Variants in ABHD17B observed in about 807,000 individuals in gnomAD.
ABHD17B encodes abhydrolase domain containing 17B, depalmitoylase.
Under a neutral mutation model 26.2 loss-of-function variants are expected in ABHD17B, and 9 were observed. The observed-to-expected ratio is 0.34, with a 90% CI of 0.21 to 0.60. The LOEUF (loss-of-function observed/expected upper bound fraction) is 0.60. ABHD17B is among the 20% of genes least tolerant of loss of function. The probability of loss-of-function intolerance (pLI) is 0.80; values close to 1 mark genes in which losing one functional copy is unlikely to be tolerated. For synonymous variants in ABHD17B, 127 were observed against 122.3 expected, an observed-to-expected ratio of 1.04 and a Z score of -0.25; for missense variants, 224 against 352.1, an observed-to-expected ratio of 0.64 and a Z score of 2.91.
At chr9:71,904,110 A>G (rs952840531) in intron 1 of ABHD17B, among the ~76,000 whole-genome samples, 6 of 152,060 alleles carry the variant, frequency 3.9e-5, no homozygotes, top group African/African-American at 1.2e-4. Context: ...TCCCTATTTA[A>G]CAGGTTCAAC....
At chr9:71,899,929 A>G (rs1827083082) in intron 1 of ABHD17B, among the ~76,000 whole-genome samples, 1 of 152,168 alleles carries the variant, frequency 6.6e-6, no homozygotes. Flanking sequence ...TCTAAATGAC[A>G]TTTCTAAAAG....
At chr9:71,889,841 A>C (rs1372841728) in intron 1 of ABHD17B, among the ~76,000 whole-genome samples, 2 of 152,152 alleles carry the variant, frequency 1.3e-5, no homozygotes, top group Non-Finnish European at 2.9e-5. Context: ...ATCCCAACCC[A>C]AACCTCAGCC....
chr9:71,876,913 A>G (rs1350879173), intron 1 of ABHD17B, among the ~76,000 whole-genome samples: 1 of 152,176 alleles, frequency 6.6e-6, no homozygotes, highest in Non-Finnish European at 1.5e-5. Context: ...ATTGCTTCCT[A>G]CCTTTATTTC....
At chr9:71,902,927 T>A (rs756392383) in intron 1 of ABHD17B, among the ~76,000 whole-genome samples, 5 of 152,202 alleles carry the variant, frequency 3.3e-5, no homozygotes, top group Non-Finnish European at 7.3e-5. Flanking sequence ...GTCTTTTTTG[T>A]TCCTGGAGGC....
chr9:71,892,323 G>A (rs1445375261), intron 1 of ABHD17B, among the ~76,000 whole-genome samples: 1 of 152,006 alleles, frequency 6.6e-6, no homozygotes, highest in Non-Finnish European at 1.5e-5. Context: ...ACGAGGTCAG[G>A]AGATCGAGAC....
At chr9:71,887,973 C>T (rs370068994) in intron 1 of ABHD17B, among the ~76,000 whole-genome samples, 4 of 152,298 alleles carry the variant, frequency 2.6e-5, no homozygotes, top group Middle Eastern at 3.4e-3. Context: ...TTTGATGAAT[C>T]AAAAGGATTC....
intron 1 of ABHD17B, among the ~76,000 whole-genome samples, chr9:71,879,100 G>A (rs117276069): frequency 0.015 from 2,237 of 152,300 alleles, 38 homozygotes; most frequent in Non-Finnish European, 0.023. Context: ...AGGCTACAGC[G>A]AGCTGTGATA....
intron 1 of ABHD17B, among the ~76,000 whole-genome samples, chr9:71,885,144 T>G (rs1034715496): frequency 2.6e-5 from 4 of 151,718 alleles, no homozygotes; most frequent in Non-Finnish European, 4.4e-5. Context: ...TTGCAATAAA[T>G]ACACAAAATG....
At chr9:71,895,976 C>T (rs1385195647) in intron 1 of ABHD17B, among the ~76,000 whole-genome samples, 1 of 152,200 alleles carries the variant, frequency 6.6e-6, no homozygotes, top group African/African-American at 2.4e-5. Flanking sequence ...TTTCTCAAAA[C>T]TCTGGAGGTT....
rs1825950201 is a variant in ABHD17B, at chr9:71,866,103, A to G, written c.*684T>C. 10 of 985,478 alleles carry G rather than the reference A, an allele frequency of 1.0e-5. No homozygotes were observed. The highest frequency in any genetic ancestry group is 1.2e-5 in the Non-Finnish European group (10 of 829,686). 61.0% of individuals were successfully genotyped at this position (985,478 alleles called of 1,614,324 possible). On this transcript the variant is annotated 3_prime_UTR_variant, in exon 4 of 4. Transcript: ENST00000333421. Reference sequence around the variant, plus strand: ...CTTGCCTCACAGTACCAAACTTAGAAGTCAAAACTAGTTAAAATTCAGTGC... The same window carrying G: ...CTTGCCTCACAGTACCAAACTTAGAGGTCAAAACTAGTTAAAATTCAGTGC...
At chr9:71,882,474 C>T (rs1288707456) in intron 1 of ABHD17B, among the ~76,000 whole-genome samples, 1 of 152,072 alleles carries the variant, frequency 6.6e-6, no homozygotes, top group Non-Finnish European at 1.5e-5. Context: ...GCCTGGCCAA[C>T]ATGGTGAAAC....
At position 71,894,214 on chromosome 9, in the gene ABHD17B, C is replaced by T. The variant is rs150762416; in HGVS notation, c.-4+16420G>A. ...AATATATATTTCACAATATAATGCA[C>T]ATTTTGCTTGTCCTTTCATCTACTG... On this transcript the variant is annotated intron_variant, in intron 1 of 3. Coordinates refer to ENST00000333421, the MANE Select transcript of ABHD17B (RefSeq NM_001025780.3). 1.8e-3 allele frequency among the ~76,000 whole-genome samples: 264 copies of T among 150,808 alleles called. 1 individual carries two copies. The highest frequency in any genetic ancestry group is 5.6e-3 in the African/African-American group (231 of 40,890).
chr9:71,863,043 T>C (rs768172533), downstream of ABHD17B, among the ~76,000 whole-genome samples: 1 of 151,988 alleles, frequency 6.6e-6, no homozygotes, highest in Non-Finnish European at 1.5e-5. Context: ...TCATGTAGGA[T>C]ACAGAACTGG....
At position 71,879,066 on chromosome 9, in the gene ABHD17B, G is replaced by A. The variant is rs369497956; in HGVS notation, c.-3-3983C>T. On this transcript the variant is annotated intron_variant, in intron 1 of 3. Coordinates refer to ENST00000333421, the MANE Select transcript of ABHD17B (RefSeq NM_001025780.3). ...AGCCACTGGCGTGGCTGGAGTGGGA[G>A]GACTGCTGGAGCATGGGAGGTCAAG... Among the ~76,000 whole-genome samples the A allele has an allele frequency of 1.2e-3, 186 of 152,258 alleles. 2 individuals carry two copies. Among genetic ancestry groups the A allele is most frequent in the African/African-American group, 4.4e-3 (181 of 41,554 alleles).
At chr9:71,902,035 G>T (rs535666747) in intron 1 of ABHD17B, among the ~76,000 whole-genome samples, 1 of 152,150 alleles carries the variant, frequency 6.6e-6, no homozygotes, top group African/African-American at 2.4e-5. Context: ...GCTGTTCCTC[G>T]CTAAGAGAGG....
At chr9:71,872,657 A>AT (rs1056936154) in intron 2 of ABHD17B, among the ~76,000 whole-genome samples, 11 of 152,048 alleles carry the variant, frequency 7.2e-5, no homozygotes, top group African/African-American at 2.4e-4. Flanking sequence ...CAATAAAGCT[A>AT]TTTTTTTAAT....
At chr9:71,897,045 T>C (rs375906247) in intron 1 of ABHD17B, among the ~76,000 whole-genome samples, 3 of 152,342 alleles carry the variant, frequency 2.0e-5, no homozygotes, top group South Asian at 4.1e-4. Flanking sequence ...CATGAATTTA[T>C]AACTAGAAAG....
At chr9:71,909,394 T>C (rs536293652) in intron 1 of ABHD17B, among the ~76,000 whole-genome samples, 1 of 152,312 alleles carries the variant, frequency 6.6e-6, no homozygotes, top group Non-Finnish European at 1.5e-5. Flanking sequence ...AGTTGAGCAG[T>C]CTCAAATTAG....
chr9:71,904,148 T>A (rs1827217985), intron 1 of ABHD17B, among the ~76,000 whole-genome samples: 1 of 152,232 alleles, frequency 6.6e-6, no homozygotes, highest in African/African-American at 2.4e-5. Flanking sequence ...CTTACCCCTC[T>A]CTATGTTTTC....
Sources: allele counts gnomAD v4.1 joint callset (sites outside exome capture counted in the v4.1 genomes callset), GRCh38; gene constraint gnomAD v4.1.1; transcripts MANE v1.5; gene names NCBI Gene and HGNC (gene_info 2026-07-23, HGNC 2026-07-21).